AGBL1: variants seen among roughly 807,000 people sequenced by gnomAD.
AGBL1 encodes the protein AGBL carboxypeptidase 1, also known as cytosolic carboxypeptidase 4.
In AGBL1, 130 loss-of-function variants were observed where a neutral mutation model predicts 118.9. That is an observed-to-expected ratio of 1.09 (90% CI 0.95 to 1.26). The LOEUF is 1.26. AGBL1 is among the 50% of genes most tolerant of loss of function. The probability of loss-of-function intolerance (pLI) is 0.00; values close to 1 mark genes in which losing one functional copy is unlikely to be tolerated. For missense variants in AGBL1, 1,584 were observed against 1,298.1 expected, an observed-to-expected ratio of 1.22 and a Z score of -3.38; for synonymous variants, 555 against 478.9, an observed-to-expected ratio of 1.16 and a Z score of -2.08.
At chr15:86,286,749 A>ATATATATATATATATATATATAT (rs60775713) in intron 16 of AGBL1, among the ~76,000 whole-genome samples, 6 of 145,452 alleles carry the variant, frequency 4.1e-5, no homozygotes, top group East Asian at 2.0e-4. Context: ...ATATATATAT[A>ATATATATATATATATATATATAT]AAACTCCATC....
At chr15:86,611,128 A>G (rs563717245) in intron 21 of AGBL1, among the ~76,000 whole-genome samples, 2 of 152,314 alleles carry the variant, frequency 1.3e-5, no homozygotes, top group East Asian at 3.9e-4. Context: ...GTAGCTTGCA[A>G]TTTGATAATG....
chr15:86,922,958 A>T (rs1252176584), intron 23 of AGBL1, among the ~76,000 whole-genome samples: 2 of 152,174 alleles, frequency 1.3e-5, no homozygotes, highest in African/African-American at 4.8e-5. Flanking sequence ...CCAGGAGGAG[A>T]TGTTCAATCT....
intron 21 of AGBL1, among the ~76,000 whole-genome samples, chr15:86,611,068 T>C (rs1193548781): frequency 6.6e-6 from 1 of 152,188 alleles, no homozygotes; most frequent in East Asian, 1.9e-4. Flanking sequence ...AAATTGTGAC[T>C]AAACTAGACT....
At chr15:86,273,044 T>C (rs1348095682) in intron 15 of AGBL1, among the ~76,000 whole-genome samples, 1 of 152,178 alleles carries the variant, frequency 6.6e-6, no homozygotes, top group East Asian at 1.9e-4. Context: ...TCTCTGAAAA[T>C]AGTTATTCTC....
At chr15:86,520,933 T>A (rs967952664) in intron 18 of AGBL1, among the ~76,000 whole-genome samples, 2 of 152,204 alleles carry the variant, frequency 1.3e-5, no homozygotes, top group African/African-American at 2.4e-5. Flanking sequence ...ATCTGCTTCA[T>A]ATTTTACCTT....
At chr15:86,546,715 A>G (rs781297558) in intron 20 of AGBL1, among the ~76,000 whole-genome samples, 53 of 152,202 alleles carry the variant, frequency 3.5e-4, no homozygotes, top group Non-Finnish European at 7.4e-5. Context: ...TTTAGTGGTT[A>G]GAGCTCAACT....
intron 20 of AGBL1, among the ~76,000 whole-genome samples, chr15:86,553,624 C>T (rs1012103013): frequency 3.9e-5 from 6 of 152,164 alleles, no homozygotes; most frequent in African/African-American, 1.4e-4. Flanking sequence ...AATAAGTGAA[C>T]AGTCCCTAGT....
chr15:86,491,499 G>C (rs373889302), intron 18 of AGBL1, among the ~76,000 whole-genome samples: 1 of 152,178 alleles, frequency 6.6e-6, no homozygotes, highest in Middle Eastern at 3.4e-3. Context: ...GTGCACTTTT[G>C]ATCACTTTGG....
chr15:86,961,795 C>G (rs2080995785), intron 23 of AGBL1, among the ~76,000 whole-genome samples: 1 of 152,086 alleles, frequency 6.6e-6, no homozygotes, highest in African/African-American at 2.4e-5. Context: ...TCAGGTGCAT[C>G]TGCCATACAG....
At chr15:86,225,245 G>A (rs1336367112) in intron 6 of AGBL1, among the ~76,000 whole-genome samples, 2 of 151,840 alleles carry the variant, frequency 1.3e-5, no homozygotes, top group African/African-American at 4.8e-5. Flanking sequence ...TGACTACTGT[G>A]GAGCTGATGG....
intron 22 of AGBL1, among the ~76,000 whole-genome samples, chr15:86,690,216 C>A (rs1039636248): frequency 2.6e-5 from 4 of 152,066 alleles, no homozygotes; most frequent in African/African-American, 9.7e-5. Flanking sequence ...AAATTAAAGT[C>A]TTGCTTATAG....
At chr15:86,233,950 A>C (rs990465403) in intron 6 of AGBL1, among the ~76,000 whole-genome samples, 1 of 152,066 alleles carries the variant, frequency 6.6e-6, no homozygotes. Flanking sequence ...TCTGGGTCCA[A>C]CACAGCTGTG....
At chr15:86,477,283 T>C (rs955145871) in intron 18 of AGBL1, among the ~76,000 whole-genome samples, 6 of 151,970 alleles carry the variant, frequency 3.9e-5, no homozygotes, top group African/African-American at 1.5e-4. Flanking sequence ...AAAAAATCAA[T>C]GAATCCAGGA....
intron 21 of AGBL1, among the ~76,000 whole-genome samples, chr15:86,561,881 A>G (rs375707041): frequency 8.6e-5 from 13 of 151,856 alleles, no homozygotes; most frequent in African/African-American, 1.2e-4. Flanking sequence ...TCCCTTGTAA[A>G]TTGGATTCCT....
At chr15:86,484,668 GA>G (rs2082692412) in intron 18 of AGBL1, among the ~76,000 whole-genome samples, 1 of 152,024 alleles carries the variant, frequency 6.6e-6, no homozygotes, top group Non-Finnish European at 1.5e-5. Flanking sequence ...GCCTGAGTAG[GA>G]AATGCATTTA....
At chr15:86,356,445 C>G (rs531208752) in intron 17 of AGBL1, among the ~76,000 whole-genome samples, 1 of 152,096 alleles carries the variant, frequency 6.6e-6, no homozygotes, top group South Asian at 2.1e-4. Context: ...CTTGGAAGAT[C>G]AACTAATGTC....
In AGBL1 at chr15:86,154,430, A is replaced by G; in HGVS notation, c.263A>G (p.Asp88Gly). Residue 88 changes from aspartate to glycine, a missense_variant and splice_region_variant, in exon 4 of 23, where the codon GAT becomes GGT. Physicochemically the swap from Asp to Gly is moderately conservative, Grantham distance 94 (BLOSUM62 -1). Transcript: ENST00000614907. ...FRLLAKVGLR[D>G]KKIGRKALEL... ...AAGATAGATTGATTTGTGTTCTTAG[A>G]TAAAAAGATTGGACGGAAGGCCCTA... 1.2e-6 allele frequency: 2 copies of G among 1,611,716 alleles called. No homozygotes were observed. Among genetic ancestry groups the G allele is most frequent in the Non-Finnish European group, 8.5e-7 (1 of 1,178,946 alleles).
intron 21 of AGBL1, among the ~76,000 whole-genome samples, chr15:86,635,452 T>C (rs982270750): frequency 5.3e-5 from 8 of 151,452 alleles, no homozygotes; most frequent in Non-Finnish European, 1.2e-4. Flanking sequence ...GCGATTCAGG[T>C]TGCTGTGGAG....
chr15:86,848,956 A>G (rs1334324328), intron 22 of AGBL1, among the ~76,000 whole-genome samples: 1 of 152,158 alleles, frequency 6.6e-6, no homozygotes, highest in Non-Finnish European at 1.5e-5. Context: ...ACTGATGAGG[A>G]AACTGAAATC....
Sources: allele counts gnomAD v4.1 joint callset (sites outside exome capture counted in the v4.1 genomes callset), GRCh38; gene constraint gnomAD v4.1.1; transcripts MANE v1.5; gene names NCBI Gene and HGNC (gene_info 2026-07-23, HGNC 2026-07-21).